RMDN3: variants seen among roughly 807,000 people sequenced by gnomAD.
RMDN3 encodes regulator of microtubule dynamics protein 3.
In RMDN3, 41 loss-of-function variants were observed where a neutral mutation model predicts 61.8. The ratio of observed to expected loss-of-function variants is 0.66; its 90% CI spans 0.52 to 0.86. The LOEUF is 0.86. Among genes scored for constraint, RMDN3 ranks in the 40% least tolerant of loss-of-function variants. RMDN3 has a pLI of 0.00. For synonymous variants in RMDN3, 247 were observed against 232.0 expected, an observed-to-expected ratio of 1.06 and a Z score of -0.59; for missense variants, 557 against 585.3, an observed-to-expected ratio of 0.95 and a Z score of 0.50.
At chr15:40,741,112 G>C (rs1186577976) in intron 6 of RMDN3, among the ~76,000 whole-genome samples, 5 of 151,924 alleles carry the variant, frequency 3.3e-5, no homozygotes, top group Admixed American at 2.0e-4. Context: ...AACACAATCA[G>C]AAATTGTCCC....
intron 4 of RMDN3, among the ~76,000 whole-genome samples, chr15:40,750,394 A>G (rs8025883): frequency 0.53 from 80,750 of 151,054 alleles, 21,946 homozygotes; most frequent in East Asian, 0.77. Flanking sequence ...TAATTTTTGT[A>G]TTTTTAGTAG....
At chr15:40,753,872 T>C (rs1897926132) in intron 2 of RMDN3, among the ~76,000 whole-genome samples, 2 of 152,254 alleles carry the variant, frequency 1.3e-5, no homozygotes, top group African/African-American at 4.8e-5. Flanking sequence ...GTCTTGATAG[T>C]TGCCAAGTTG....
At chr15:40,746,843 G>A (rs898484356) in intron 4 of RMDN3, among the ~76,000 whole-genome samples, 24 of 151,480 alleles carry the variant, frequency 1.6e-4, no homozygotes, top group African/African-American at 5.8e-4. Flanking sequence ...TGTTTTTTAA[G>A]AGGTTATCCA....
In RMDN3 at chr15:40,736,455, G is replaced by C; in HGVS notation, c.*86C>G. The C allele has an allele frequency of 8.2e-7, 1 of 1,216,054 alleles. No homozygotes were observed. 75.3% of individuals were successfully genotyped at this position (1,216,054 alleles called of 1,614,324 possible). ...AGGAGACAGATTTGTGTGGTTTCCT[G>C]ATCTCAGCAAGGTCTAAGGAAAAAA... On this transcript the variant is annotated 3_prime_UTR_variant, in exon 13 of 13. Transcript: ENST00000338376.
chr15:40,751,969 G>A lies in RMDN3; in HGVS notation c.380+17C>T. On this transcript the variant is annotated intron_variant, in intron 3 of 12. Coordinates refer to ENST00000338376, the MANE Select transcript of RMDN3 (RefSeq NM_018145.3). ...GCAGGGGAGGGATAAAGCAGGAGAA[G>A]AAGCCGCATTACTCACCGGACCTCC... 1 of 1,609,386 alleles carries A rather than the reference G, an allele frequency of 6.2e-7. No individual in the cohort carries two copies. The highest frequency in any genetic ancestry group is 1.1e-5 in the South Asian group (1 of 90,678).
chr15:40,737,831 C>T, intron 9 of RMDN3, 105 bp from the exon 10 acceptor site: 3 of 1,450,668 alleles, frequency 2.1e-6, no homozygotes, highest in Non-Finnish European at 2.9e-6. Flanking sequence ...CTGGGTCGAA[C>T]CACCAATAAT....
At position 40,740,118 on chromosome 15, in the gene RMDN3, G is replaced by A. The variant is rs1567062428; in HGVS notation, c.971+15C>T. On this transcript the variant is annotated intron_variant, in intron 7 of 12. Coordinates refer to ENST00000338376, the MANE Select transcript of RMDN3 (RefSeq NM_018145.3). ...CCTTGCTGGCTCTTCCCAGAACACT[G>A]CAGGGTGTTATTACCACAGGTGACA... 4 of 1,574,510 alleles carry A rather than the reference G, an allele frequency of 2.5e-6. No individual in the cohort carries two copies. In the Admixed American group the frequency reaches 5.0e-5, roughly 20 times the overall value.
At position 40,742,171 on chromosome 15, in the gene RMDN3, G is replaced by GTT. The variant is rs896797307; in HGVS notation, c.910+1874_910+1875dup. Among the ~76,000 whole-genome samples, 876 of 134,932 alleles carry GTT rather than the reference G, an allele frequency of 6.5e-3. 14 individuals carry two copies. The highest frequency in any genetic ancestry group is 0.021 in the African/African-American group (736 of 35,834). 88.5% of individuals were successfully genotyped at this position (134,932 alleles called of 152,430 possible). ...CCACCATGCCTGGCTAATTTTTTAA[G>GTT]TTTTTTTTTTTTTTTTTGTAGAGAC... On this transcript the variant is annotated intron_variant, in intron 6 of 12. Transcript: ENST00000338376.
At chr15:40,737,754 A>T in intron 9 of RMDN3, 28 bp from the exon 10 acceptor site, 1 of 1,602,672 alleles carries the variant, frequency 6.2e-7, no homozygotes, top group Admixed American at 1.7e-5. Context: ...AGGTGTGTAT[A>T]AGAGGTTTTA....
Position 40,737,167 on chromosome 15 carries a change from CATCT to C in RMDN3, c.1312_1315del (p.Arg438GlyfsTer3), listed in dbSNP as rs1251118831. 3 of 1,614,124 alleles carry C rather than the reference CATCT, an allele frequency of 1.9e-6. No individual in the cohort carries two copies. In the African/African-American group the frequency reaches 4.0e-5, roughly 22 times the overall value. On this transcript the variant is annotated frameshift_variant, in exon 12 of 13. Transcript: ENST00000338376. LOFTEE classifies it high-confidence loss of function. The stretch of plus-strand genomic sequence containing the variant: ...CAGCTCCAGGGCCAACTTCATCCAC[CATCT>C]AGCTTCAGAGTTTTTCCCTAGTTCT...
intron 7 of RMDN3, 144 bp downstream of exon 7, chr15:40,739,989 C>T: frequency 3.0e-6 from 2 of 665,100 alleles, no homozygotes; most frequent in Non-Finnish European, 5.5e-6. Flanking sequence ...TAGGGGTAGA[C>T]TGAGGCATGT....
At chr15:40,746,516 CAAAAAAAA>C (rs756574720) in intron 4 of RMDN3, among the ~76,000 whole-genome samples, 1 of 85,812 alleles carries the variant, frequency 1.2e-5, no homozygotes. Context: ...GACTCCGTCT[CAAAAAAAA>C]AAAAAAAAAA....
intron 6 of RMDN3, 95 bp from the exon 7 acceptor site, chr15:40,740,288 A>G (rs1897229040): frequency 6.1e-6 from 5 of 820,644 alleles, no homozygotes; most frequent in Non-Finnish European, 1.0e-5. Flanking sequence ...GCTCTCACCA[A>G]TCCCTACCCA....
At position 40,741,620 on chromosome 15, in the gene RMDN3, ATTTTTTTTTTT is replaced by A. The variant is rs553262858; in HGVS notation, c.911-1438_911-1428del. Among the ~76,000 whole-genome samples the A allele has an allele frequency of 4.7e-4, 34 of 71,736 alleles. 2 individuals carry two copies. Among genetic ancestry groups the A allele is most frequent in the Admixed American group, 3.5e-3 (17 of 4,836 alleles). The allele number at this position is 71,736 out of a possible 152,430, so 47.1% of individuals were successfully genotyped here. On this transcript the variant is annotated intron_variant, in intron 6 of 12. Transcript: ENST00000338376. The stretch of plus-strand genomic sequence containing the variant: ...ACTGGAGAAGACACTGCAACATAGG[ATTTTTTTTTTT>A]TTTTTTTTTTTTTTTGAGACAAGAG...
chr15:40,751,089 A>C (rs1302103510), intron 4 of RMDN3, among the ~76,000 whole-genome samples: 3 of 152,242 alleles, frequency 2.0e-5, no homozygotes, highest in Non-Finnish European at 4.4e-5. Context: ...TCGTGCTTAG[A>C]CATCTCCGTA....
At position 40,737,295 on chromosome 15, in the gene RMDN3, A is replaced by G. The variant is rs1406478756; in HGVS notation, c.1271T>C (p.Ile424Thr). The change falls in exon 11 of 13, where the codon ATT becomes ACT. Residue 424 changes from isoleucine (I) to threonine (T), a missense_variant. Coordinates refer to ENST00000338376, the MANE Select transcript of RMDN3 (RefSeq NM_018145.3). ...PGFSKAGRVY[I>T]SKCYRELGKN... ...GTAGACAAATGAGTTTACCTTGGAA[A>G]TATATACCCTTCCTGCTTTGGAAAA... 5 of 1,614,014 alleles carry G rather than the reference A, an allele frequency of 3.1e-6. No homozygotes were observed. The South Asian group carries it at 5.5e-5, about 18-fold the overall frequency.
Position 40,749,434 on chromosome 15 carries a change from T to G in RMDN3, c.524+1992A>C, listed in dbSNP as rs142871128. Among the ~76,000 whole-genome samples, 1,219 of 152,344 alleles carry G rather than the reference T, an allele frequency of 8.0e-3. 19 individuals carry two copies. The highest frequency in any genetic ancestry group is 0.028 in the African/African-American group (1,155 of 41,582). On this transcript the variant is annotated intron_variant, in intron 4 of 12. Transcript: ENST00000338376. ...CAGAAGGCTGAGGCAGGAGCACCAC[T>G]TGAGCCCAAGAGGTTGAGGCTGCTG...
chr15:40,749,684 C>T (rs980136108), intron 4 of RMDN3, among the ~76,000 whole-genome samples: 1 of 152,216 alleles, frequency 6.6e-6, no homozygotes, highest in Non-Finnish European at 1.5e-5. Flanking sequence ...CTTTACATCT[C>T]AGTGCCCACT....
At chr15:40,751,917 G>A in intron 3 of RMDN3, 69 bp downstream of exon 3, 1 of 1,508,374 alleles carries the variant, frequency 6.6e-7, no homozygotes, top group Admixed American at 1.8e-5. Context: ...GACAGCGAAG[G>A]CCAGAACACA....
Sources: gnomAD v4.1 joint callset for allele counts (sites outside exome capture counted in the v4.1 genomes callset) on GRCh38, gnomAD v4.1.1 for gene constraint, MANE v1.5 for transcripts, NCBI Gene and HGNC (gene_info 2026-07-23, HGNC 2026-07-21) for gene names.